Variants in CACNA2D2 observed in about 807,000 individuals in gnomAD.
The protein encoded by CACNA2D2 is voltage-dependent calcium channel subunit alpha-2/delta-2.
CACNA2D2 carries 48 observed loss-of-function variants against 166.4 expected under a neutral mutation model. The observed-to-expected ratio is 0.29, with a 90% CI of 0.23 to 0.37. The LOEUF is 0.37. Among genes scored for constraint, CACNA2D2 ranks in the 10% least tolerant of loss-of-function variants. The pLI is 1.00. For missense variants in CACNA2D2, 1,122 were observed against 1,433.0 expected (o/e 0.78, Z 3.50); for synonymous variants, 561 against 573.7 (o/e 0.98, Z 0.32).
intron 22 of CACNA2D2, among the ~76,000 whole-genome samples, chr3:50,373,814 A>T (rs1704794820): frequency 9.6e-6 from 1 of 104,458 alleles, no homozygotes; most frequent in Non-Finnish European, 1.9e-5. Context: ...GAGGAGAAGG[A>T]TGAGAGGGTA....
intron 2 of CACNA2D2, among the ~76,000 whole-genome samples, chr3:50,448,592 G>A (rs751659218): frequency 2.0e-5 from 3 of 152,118 alleles, no homozygotes; most frequent in Non-Finnish European, 4.4e-5. Context: ...GGTTTATGGC[G>A]CATGTTGGGG....
intron 2 of CACNA2D2, among the ~76,000 whole-genome samples, chr3:50,437,567 T>C (rs1708408135): frequency 6.6e-6 from 1 of 152,154 alleles, no homozygotes; most frequent in Non-Finnish European, 1.5e-5. Context: ...TTGCTCCAAT[T>C]GTTCCTGTCT....
At chr3:50,464,202 C>T (rs960111688) in intron 2 of CACNA2D2, among the ~76,000 whole-genome samples, 1 of 152,236 alleles carries the variant, frequency 6.6e-6, no homozygotes, top group African/African-American at 2.4e-5. Flanking sequence ...TTCTACATCC[C>T]ACGTTTACTG....
intron 3 of CACNA2D2, among the ~76,000 whole-genome samples, chr3:50,406,581 A>C (rs1388334448): frequency 6.6e-6 from 1 of 151,462 alleles, no homozygotes; most frequent in Non-Finnish European, 1.5e-5. Context: ...TTCACTGCCA[A>C]CATCCTCCCC....
At chr3:50,381,855 C>A (rs1285273176) in intron 6 of CACNA2D2, among the ~76,000 whole-genome samples, 1 of 152,104 alleles carries the variant, frequency 6.6e-6, no homozygotes, top group African/African-American at 2.4e-5. Flanking sequence ...TGCCTACACA[C>A]CACTCTGCAC....
In CACNA2D2 at chr3:50,367,866, G is replaced by A. The variant is rs1704427096; in HGVS notation, c.2180C>T (p.Thr727Met). Residue 727 changes from threonine (T) to methionine (M), a missense_variant, in exon 25 of 38, where the codon ACG becomes ATG. Around this residue, in one of 2 missense-constraint regions of CACNA2D2, gnomAD observed 840 missense variants for 1,166.8 expected, o/e 0.72. Transcript: ENST00000424201. The surrounding 1 kb of genome is among the most constrained non-coding windows in gnomAD (Gnocchi z 6.5). ...NFLLHNLILD[T>M]GITQQLVERV... ...CTCTACCAGCTGCTGCGTGATGCCCGTGTCCAAGATCAGGTTGTGCAGAAG... is the reference window on the plus strand; with the variant it reads ...CTCTACCAGCTGCTGCGTGATGCCCATGTCCAAGATCAGGTTGTGCAGAAG... 2 of 1,583,978 alleles carry A rather than the reference G, an allele frequency of 1.3e-6. No individual in the cohort carries two copies. The highest frequency in any genetic ancestry group is 8.6e-7 in the Non-Finnish European group (1 of 1,161,328).
chr3:50,375,616 CT>C lies in CACNA2D2; in HGVS notation c.1907+27del. 1.2e-6 allele frequency: 2 copies of C among 1,607,976 alleles called. No individual in the cohort carries two copies. The highest frequency in any genetic ancestry group is 1.7e-6 in the Non-Finnish European group (2 of 1,176,478). On this transcript the variant is annotated intron_variant, in intron 21 of 37. Coordinates refer to ENST00000424201, the MANE Select transcript of CACNA2D2 (RefSeq NM_006030.4). This position sits in a 1 kb window ranked among gnomAD's most constrained non-coding sequence, Gnocchi z 4.0. ...AGATTCTGGGGCCACCCCACCCTCTCTGCCCGCCCAGCCCTGGCCTCACTTA... is the reference window on the plus strand; with the variant it reads ...AGATTCTGGGGCCACCCCACCCTCTCGCCCGCCCAGCCCTGGCCTCACTTA...
At chr3:50,453,237 G>GC (rs1023637413) in intron 2 of CACNA2D2, among the ~76,000 whole-genome samples, 8 of 152,150 alleles carry the variant, frequency 5.3e-5, no homozygotes, top group Admixed American at 5.2e-4. Flanking sequence ...CCTCCAGGAA[G>GC]CCTTCCCTAA....
At chr3:50,498,185 C>T (rs967297317) in intron 1 of CACNA2D2, among the ~76,000 whole-genome samples, 1 of 152,170 alleles carries the variant, frequency 6.6e-6, no homozygotes, top group African/African-American at 2.4e-5. Context: ...AGACAGAGCT[C>T]AGCCCACCTG....
At chr3:50,434,644 G>C (rs1383042028) in intron 2 of CACNA2D2, among the ~76,000 whole-genome samples, 2 of 152,254 alleles carry the variant, frequency 1.3e-5, no homozygotes, top group Middle Eastern at 6.3e-3. Flanking sequence ...TCTGGGATGA[G>C]GGCCCAGTTT....
At chr3:50,437,818 G>C (rs2106906973) in intron 2 of CACNA2D2, among the ~76,000 whole-genome samples, 1 of 152,288 alleles carries the variant, frequency 6.6e-6, no homozygotes, top group East Asian at 1.9e-4. Flanking sequence ...GGGCCAGCTG[G>C]GAAGTGCAGA....
At chr3:50,489,828 G>A (rs941140277) in intron 1 of CACNA2D2, among the ~76,000 whole-genome samples, 4 of 152,228 alleles carry the variant, frequency 2.6e-5, no homozygotes, top group African/African-American at 9.6e-5. Context: ...TGGGGGCCTG[G>A]AGCAGGATGT....
In CACNA2D2 at chr3:50,379,400, C is replaced by G; in HGVS notation, c.1152+32G>C. ...ACCAAGCCAGGGCCCTCTACTCCCC[C>G]AGCCGCCCACTTGCCCACCCATGGG... On this transcript the variant is annotated intron_variant, in intron 11 of 37. Transcript: ENST00000424201. The surrounding 1 kb of genome is among the most constrained non-coding windows in gnomAD (Gnocchi z 6.5). The G allele has an allele frequency of 6.2e-7, 1 of 1,608,690 alleles. No individual in the cohort carries two copies. The highest frequency in any genetic ancestry group is 1.1e-5 in the South Asian group (1 of 90,728).
rs758602644 is a variant in CACNA2D2 at position 50,367,916 on chromosome 3, GGA to G, written c.2144-16_2144-15del. 9.6e-5 allele frequency: 145 copies of G among 1,512,576 alleles called. No individual in the cohort carries two copies. Among genetic ancestry groups the G allele is most frequent in the Non-Finnish European group, 1.2e-4 (131 of 1,095,044 alleles). The allele number at this position is 1,512,576 out of a possible 1,614,324, so 93.7% of individuals were successfully genotyped here. On this transcript the variant is annotated splice_polypyrimidine_tract_variant and intron_variant, in intron 24 of 37. Transcript: ENST00000424201. The surrounding 1 kb of genome is among the most constrained non-coding windows in gnomAD (Gnocchi z 6.5). Reference sequence around the variant, plus strand: ...GGAAGTTGTTGCCTGGAACAGGAGGGGAGGGGTGGGGGTGGGGGCATCTTCTT... The same window carrying G: ...GGAAGTTGTTGCCTGGAACAGGAGGGGGGGTGGGGGTGGGGGCATCTTCTT...
intron 23 of CACNA2D2, among the ~76,000 whole-genome samples, chr3:50,369,776 TCTC>T (rs1172451245): frequency 1.3e-5 from 2 of 152,120 alleles, no homozygotes; most frequent in African/African-American, 2.4e-5. Flanking sequence ...CGGGGCCCCG[TCTC>T]CTCATCTGAT....
At position 50,364,606 on chromosome 3, in the gene CACNA2D2, G is replaced by A. The variant is rs936939902; in HGVS notation, c.*60C>T. 6.2e-6 allele frequency: 9 copies of A among 1,447,882 alleles called. No individual in the cohort carries two copies. Among genetic ancestry groups the A allele is most frequent in the Middle Eastern group, 2.5e-4 (1 of 4,004 alleles). The allele number at this position is 1,447,882 out of a possible 1,614,324, so 89.7% of individuals were successfully genotyped here. A position where few individuals can be genotyped will look rare whatever the true frequency, so the allele number is the denominator to read the frequency against. ...CTAAGGCGGGGAGTGTGGGGCAGGA[G>A]GGTGGGAAAGGCGAAGAGGCCGGGT... On this transcript the variant is annotated 3_prime_UTR_variant, in exon 38 of 38. Transcript: ENST00000424201.
chr3:50,480,511 C>T (rs1309535496), intron 1 of CACNA2D2, among the ~76,000 whole-genome samples: 1 of 151,706 alleles, frequency 6.6e-6, no homozygotes, highest in Non-Finnish European at 1.5e-5. Context: ...GCAGAAGAGG[C>T]CTAGCAGGCT....
intron 3 of CACNA2D2, among the ~76,000 whole-genome samples, chr3:50,429,775 A>G (rs1236343857): frequency 6.6e-6 from 1 of 150,982 alleles, no homozygotes; most frequent in Non-Finnish European, 1.5e-5. Context: ...GTCTCGAAAA[A>G]AAAAAAAAAT....
At chr3:50,489,044 T>TC (rs1698411257) in intron 1 of CACNA2D2, among the ~76,000 whole-genome samples, 2 of 152,232 alleles carry the variant, frequency 1.3e-5, no homozygotes, top group South Asian at 4.2e-4. Context: ...GAACATCATC[T>TC]CCTGAGAACA....
Sources: allele counts gnomAD v4.1 joint callset (sites outside exome capture counted in the v4.1 genomes callset), GRCh38; gene constraint gnomAD v4.1.1; regional missense constraint gnomAD v4.1.1; non-coding constraint Gnocchi (gnomAD v3.1); transcripts MANE v1.5; gene names NCBI Gene and HGNC (gene_info 2026-07-23, HGNC 2026-07-21).